The following ALKBH1 variants were observed in gnomAD, a reference collection of about 807,000 sequenced individuals.
ALKBH1 encodes the protein alkB homolog 1, histone H2A dioxygenase.
ALKBH1 carries 31 observed loss-of-function variants against 36.6 expected under a neutral mutation model. That is an observed-to-expected ratio of 0.85 (90% CI 0.64 to 1.14). The LOEUF is 1.14. ALKBH1 is among the 50% of genes most tolerant of loss of function. The probability of loss-of-function intolerance (pLI) is 0.00; values close to 1 mark genes in which losing one functional copy is unlikely to be tolerated. For missense variants in ALKBH1, 490 were observed against 497.3 expected (o/e 0.99, Z 0.14); for synonymous variants, 183 against 186.6 (o/e 0.98, Z 0.16).
intron 3 of ALKBH1, among the ~76,000 whole-genome samples, chr14:77,686,469 T>G (rs188326055): frequency 6.6e-6 from 1 of 151,968 alleles, no homozygotes; most frequent in East Asian, 1.9e-4. Context: ...AAAAGAAACA[T>G]GCTATGCTCC....
chr14:77,696,379 G>A (rs1287163091), intron 2 of ALKBH1, among the ~76,000 whole-genome samples: 2 of 152,072 alleles, frequency 1.3e-5, no homozygotes, highest in East Asian at 1.9e-4. Context: ...CAGTAGAGAC[G>A]GGGTTTCACC....
At chr14:77,692,799 T>TTTATTTAC (rs890933515) in intron 3 of ALKBH1, among the ~76,000 whole-genome samples, 4 of 151,240 alleles carry the variant, frequency 2.6e-5, no homozygotes, top group African/African-American at 9.7e-5. Flanking sequence ...CCAAATTGTA[T>TTTATTTAC]TTATTTATTT....
chr14:77,683,541 AC>A (rs890026928), intron 3 of ALKBH1: 16 of 605,624 alleles, frequency 2.6e-5, no homozygotes, highest in Non-Finnish European at 4.5e-5. Flanking sequence ...TTTGAACAGT[AC>A]CCATTCCCAT....
intron 3 of ALKBH1, among the ~76,000 whole-genome samples, chr14:77,693,233 C>CA (rs1025137537): frequency 8.0e-5 from 10 of 124,828 alleles, no homozygotes; most frequent in Non-Finnish European, 1.8e-4. Flanking sequence ...AATTTTTTTT[C>CA]ATAGAGATGG....
In ALKBH1 at chr14:77,673,913, G is replaced by A. The variant is rs35658256; in HGVS notation, c.1069C>T (p.Pro357Ser). Residue 357 changes from proline to serine, a missense_variant, in exon 6 of 6, where the codon CCC becomes TCC. Transcript: ENST00000216489. ...LATDQNFPLE[P>S]IEDEKRDIST... ...ATGTCTCTTTTTTCATCCTCGATGG[G>A]TTCTAGAGGGAAATTCTGGTCTGTG... 9.6e-4 allele frequency: 1,544 copies of A among 1,614,158 alleles called. 12 individuals carry two copies. In the African/African-American group the frequency reaches 0.017, roughly 18 times the overall value.
chr14:77,683,189 A>C, intron 3 of ALKBH1: 1 of 568,362 alleles, frequency 1.8e-6, no homozygotes, highest in Non-Finnish European at 3.2e-6. Flanking sequence ...GTCCAGGGGT[A>C]TTTTAACACC....
intron 5 of ALKBH1, 61 bp downstream of exon 5, chr14:77,675,595 A>T: frequency 6.9e-7 from 1 of 1,452,990 alleles, no homozygotes; most frequent in Non-Finnish European, 9.4e-7. Context: ...TTAGAGTAAA[A>T]TGTCTTAGAA....
rs978975120 is a variant in ALKBH1, at chr14:77,673,504, C to T, written c.*308G>A. 3 of 324,576 alleles carry T rather than the reference C, an allele frequency of 9.2e-6. No homozygotes were observed. The East Asian group carries it at 1.8e-4, about 20-fold the overall frequency. The allele number at this position is 324,576 out of a possible 1,614,324, so 20.1% of individuals were successfully genotyped here. ...ACTCTGCAAACATGGAAACTCACTT[C>T]TACCTTCCTCAAAGGAAATAGCAGA... On this transcript the variant is annotated 3_prime_UTR_variant, in exon 6 of 6. Coordinates refer to ENST00000216489, the MANE Select transcript of ALKBH1 (RefSeq NM_006020.3).
chr14:77,684,688 C>T (rs2080258069), intron 3 of ALKBH1, among the ~76,000 whole-genome samples: 1 of 152,166 alleles, frequency 6.6e-6, no homozygotes, highest in African/African-American at 2.4e-5. Context: ...GCTAGAACTA[C>T]AGGTGTGTGC....
At chr14:77,698,225 C>G (rs1006714951) in intron 2 of ALKBH1, among the ~76,000 whole-genome samples, 2 of 152,072 alleles carry the variant, frequency 1.3e-5, no homozygotes, top group Non-Finnish European at 2.9e-5. Context: ...AAAGAGCCAA[C>G]AGGGAAGAGC....
At chr14:77,707,770 C>A in intron 1 of ALKBH1, 52 bp downstream of exon 1, 1 of 1,539,702 alleles carries the variant, frequency 6.5e-7, no homozygotes, top group Non-Finnish European at 8.8e-7. Context: ...TAAGTCCCTC[C>A]AAGACGCGGG....
intron 3 of ALKBH1, among the ~76,000 whole-genome samples, chr14:77,689,387 C>T (rs1172895207): frequency 6.6e-6 from 1 of 152,080 alleles, no homozygotes; most frequent in Non-Finnish European, 1.5e-5. Context: ...TCATAGCTAT[C>T]CTAGCATCAC....
In ALKBH1 at chr14:77,674,186, T is replaced by C; in HGVS notation, c.796A>G (p.Thr266Ala). The change falls in exon 6 of 6, where the codon ACG becomes GCG. Residue 266 changes from threonine to alanine, a missense_variant. Coordinates refer to ENST00000216489, the MANE Select transcript of ALKBH1 (RefSeq NM_006020.3). ...TCACCACTGTGCATAAACATGGCCG[T>C]GGGGGCCTCATCCCTTTGAAGACCA... ...LGGLQRDEAP[T>A]AMFMHSGDIM... 1 of 1,613,898 alleles carries C rather than the reference T, an allele frequency of 6.2e-7. No homozygotes were observed. Among genetic ancestry groups the C allele is most frequent in the Non-Finnish European group, 8.5e-7 (1 of 1,179,892 alleles).
At chr14:77,686,799 T>C (rs1398055282) in intron 3 of ALKBH1, among the ~76,000 whole-genome samples, 3 of 152,148 alleles carry the variant, frequency 2.0e-5, no homozygotes, top group Non-Finnish European at 2.9e-5. Flanking sequence ...AATTTTTGTA[T>C]TTTTAGTAGA....
intron 4 of ALKBH1, 35 bp from the exon 5 acceptor site, chr14:77,675,884 CAAT>C (rs747949486): frequency 1.3e-6 from 2 of 1,534,166 alleles, no homozygotes; most frequent in Non-Finnish European, 1.8e-6. Context: ...GAAAAATAAA[CAAT>C]GATCTCAGGA....
chr14:77,683,290 G>C, intron 3 of ALKBH1: 1 of 762,246 alleles, frequency 1.3e-6, no homozygotes, highest in East Asian at 2.5e-5. Context: ...GGGTGGGGCA[G>C]GCTGGCACTT....
chr14:77,676,089 T>G (rs1409186884), intron 4 of ALKBH1, among the ~76,000 whole-genome samples: 1 of 151,484 alleles, frequency 6.6e-6, no homozygotes, highest in Non-Finnish European at 1.5e-5. Flanking sequence ...CTAGACCTCC[T>G]GGGCTCAGTG....
At chr14:77,685,590 C>T (rs979222019) in intron 3 of ALKBH1, among the ~76,000 whole-genome samples, 5 of 152,058 alleles carry the variant, frequency 3.3e-5, no homozygotes, top group Admixed American at 6.6e-5. Flanking sequence ...CCAGCCTGGG[C>T]AACATGGTGA....
chr14:77,675,691 A>T lies in ALKBH1; in HGVS notation c.705T>A (p.Ser235=), dbSNP rs750036733. ...DSTLGIHVDR[S]ELDHSKPLLS... ...GCAAGGGTTTGGAGTGATCTAGCTC[A>T]GATCTGTCTACGTGGATTCCCAGTG... Residue 235 remains serine (S), a synonymous_variant, in exon 5 of 6, where the codon TCT becomes TCA. Transcript: ENST00000216489. 8.7e-6 allele frequency: 14 copies of T among 1,614,190 alleles called. No individual in the cohort carries two copies. The East Asian group carries it at 2.9e-4, about 33-fold the overall frequency.
Sources: allele counts gnomAD v4.1 joint callset (sites outside exome capture counted in the v4.1 genomes callset), GRCh38; gene constraint gnomAD v4.1.1; transcripts MANE v1.5; gene names NCBI Gene and HGNC (gene_info 2026-07-23, HGNC 2026-07-21).